ITGA9: variants seen among roughly 807,000 people sequenced by gnomAD.
The protein encoded by ITGA9 is integrin subunit alpha 9, also known as integrin alpha-9.
ITGA9 carries 56 observed loss-of-function variants against 127.8 expected under a neutral mutation model. That is an observed-to-expected ratio of 0.44 (90% CI 0.35 to 0.55). The LOEUF is 0.55. Ranked by LOEUF, ITGA9 falls within the 20% of genes least tolerant of loss-of-function variation. The pLI is 0.00. For missense variants in ITGA9, 1,196 were observed against 1,347.1 expected (o/e 0.89, Z 1.76); for synonymous variants, 508 against 514.5 (o/e 0.99, Z 0.17).
At chr3:37,493,624 T>C (rs1238967169) in intron 4 of ITGA9, among the ~76,000 whole-genome samples, 1 of 151,250 alleles carries the variant, frequency 6.6e-6, no homozygotes, top group Non-Finnish European at 1.5e-5. Flanking sequence ...AAGTCCAAGC[T>C]GAGGTAGAAT....
At chr3:37,691,222 A>G (rs2125667324) in intron 18 of ITGA9, among the ~76,000 whole-genome samples, 1 of 152,340 alleles carries the variant, frequency 6.6e-6, no homozygotes, top group South Asian at 2.1e-4. Flanking sequence ...AGAGAGGCCC[A>G]CAGGATTAGA....
At chr3:37,681,940 T>C (rs1044193870) in intron 17 of ITGA9, among the ~76,000 whole-genome samples, 12 of 152,152 alleles carry the variant, frequency 7.9e-5, no homozygotes, top group African/African-American at 2.9e-4. Context: ...CGCATGTTCC[T>C]ACCACCCATC....
chr3:37,556,508 G>A (rs1339899882), intron 15 of ITGA9, among the ~76,000 whole-genome samples: 2 of 152,210 alleles, frequency 1.3e-5, no homozygotes, highest in Non-Finnish European at 2.9e-5. Context: ...CTTTCTCTCT[G>A]GACCAGAGCA....
chr3:37,737,064 A>G, intron 20 of ITGA9, 81 bp downstream of exon 20: 1 of 938,760 alleles, frequency 1.1e-6, no homozygotes, highest in Middle Eastern at 2.1e-4. Flanking sequence ...TTAAGCTTTG[A>G]TGAATCCCAG....
rs1700388842 is a variant in ITGA9, at chr3:37,647,471, T to C, written c.1840-6243T>C. The stretch of plus-strand genomic sequence containing the variant: ...TAACATAGTTTTTTTTTTTTTTTGA[T>C]AGTAAGAGCACTTGGAATCTACTTT... On this transcript the variant is annotated intron_variant, in intron 16 of 27. Transcript: ENST00000264741. 2.0e-5 allele frequency among the ~76,000 whole-genome samples: 3 copies of C among 148,364 alleles called. No individual in the cohort carries two copies. The South Asian group carries it at 6.4e-4, about 32-fold the overall frequency.
intron 1 of ITGA9, among the ~76,000 whole-genome samples, chr3:37,466,891 G>T (rs1698379161): frequency 6.6e-6 from 1 of 152,200 alleles, no homozygotes; most frequent in East Asian, 1.9e-4. Flanking sequence ...TAGTCTTGTT[G>T]AGAGTACCAG....
At chr3:37,742,422 T>C (rs1380072911) in intron 21 of ITGA9, among the ~76,000 whole-genome samples, 1 of 152,208 alleles carries the variant, frequency 6.6e-6, no homozygotes, top group Non-Finnish European at 1.5e-5. Flanking sequence ...TCAGTGCCGC[T>C]GGCATTGTTG....
chr3:37,667,633 A>G (rs747906571), intron 17 of ITGA9, among the ~76,000 whole-genome samples: 5 of 152,298 alleles, frequency 3.3e-5, no homozygotes, highest in East Asian at 1.9e-4. Context: ...ATGCCCCTCA[A>G]TTGTCTTACA....
rs149070597 is a variant in ITGA9 at position 37,482,702 on chromosome 3, AG to A, written c.544+1098del. 9.0e-3 allele frequency among the ~76,000 whole-genome samples: 1,363 copies of A among 152,278 alleles called. 18 individuals are homozygous for A. The highest frequency in any genetic ancestry group is 0.031 in the African/African-American group (1,277 of 41,548). On this transcript the variant is annotated intron_variant, in intron 4 of 27. Transcript: ENST00000264741. Reference sequence around the variant, plus strand: ...TTCTGGGTACTGAGGTGACACAGGTAGGGTGCTCTGGGAAACGTCCCCCACA... The same window carrying A: ...TTCTGGGTACTGAGGTGACACAGGTAGGTGCTCTGGGAAACGTCCCCCACA...
At chr3:37,773,895 A>C (rs1384122528) in intron 23 of ITGA9, among the ~76,000 whole-genome samples, 5 of 152,270 alleles carry the variant, frequency 3.3e-5, no homozygotes, top group African/African-American at 1.2e-4. Flanking sequence ...TTAAAATTTT[A>C]TAAGAATGAT....
intron 14 of ITGA9, among the ~76,000 whole-genome samples, chr3:37,541,225 G>A (rs1360447222): frequency 6.6e-6 from 1 of 152,232 alleles, no homozygotes; most frequent in African/African-American, 2.4e-5. Context: ...TAAGAGGCAG[G>A]TGTGTGGAGA....
chr3:37,700,565 G>T (rs532187007), intron 18 of ITGA9, among the ~76,000 whole-genome samples: 1 of 152,060 alleles, frequency 6.6e-6, no homozygotes. Context: ...GCCCAGGCTG[G>T]TCTTGAACTC....
rs987867943 is a variant in ITGA9, at chr3:37,786,853, CTTTG to C, written c.2889+1784_2889+1787del. On this transcript the variant is annotated intron_variant, in intron 26 of 27. Coordinates refer to ENST00000264741, the MANE Select transcript of ITGA9 (RefSeq NM_002207.3). ...ACTATTTTTGTTTGTTTGTTTGTTT[CTTTG>C]TTTGTTTGAGACAGGGTCTTGCTTT... Among the ~76,000 whole-genome samples the C allele has an allele frequency of 1.1e-3, 161 of 152,236 alleles. 2 individuals are homozygous for C. Among genetic ancestry groups the C allele is most frequent in the African/African-American group, 2.3e-3 (94 of 41,550 alleles).
At chr3:37,564,396 C>T (rs539689757) in intron 15 of ITGA9, among the ~76,000 whole-genome samples, 28 of 152,240 alleles carry the variant, frequency 1.8e-4, no homozygotes, top group Non-Finnish European at 3.8e-4. Context: ...CTCTGGGGTC[C>T]TCACCATTTA....
At position 37,533,419 on chromosome 3, in the gene ITGA9, C is replaced by T. The variant is rs756658946; in HGVS notation, c.1479C>T (p.Asn493=). 1.8e-5 allele frequency: 29 copies of T among 1,614,220 alleles called. 1 individual carries two copies. The highest frequency in any genetic ancestry group is 1.3e-4 in the South Asian group (12 of 91,082). Residue 493 remains asparagine, a synonymous_variant, in exon 14 of 28, where the codon AAC becomes AAT. Transcript: ENST00000264741. ...GACAGCAGCCTGTGAACTGCCTGAA[C>T]GTCACCACCTGCTTCAGCTTCCATG... The part of the protein sequence containing the change: ...HDGQQPVNCL[N]VTTCFSFHGK...
chr3:37,581,188 G>A (rs1168255512), intron 15 of ITGA9, among the ~76,000 whole-genome samples: 1 of 152,188 alleles, frequency 6.6e-6, no homozygotes, highest in Non-Finnish European at 1.5e-5. Context: ...GAGCTGGAGT[G>A]GAAGCAGATA....
intron 15 of ITGA9, among the ~76,000 whole-genome samples, chr3:37,566,183 A>G (rs571085484): frequency 1.3e-5 from 2 of 152,250 alleles, no homozygotes; most frequent in African/African-American, 2.4e-5. Flanking sequence ...AATACATTCT[A>G]AGACCCCTAG....
chr3:37,527,828 C>T (rs140696439), intron 13 of ITGA9, among the ~76,000 whole-genome samples: 2,304 of 151,984 alleles, frequency 0.015, 30 homozygotes, highest in Non-Finnish European at 0.025. Context: ...CTCTGTCACC[C>T]GGGCTGGAGT....
chr3:37,531,014 G>C (rs550131682), intron 13 of ITGA9, among the ~76,000 whole-genome samples: 2 of 152,090 alleles, frequency 1.3e-5, no homozygotes, highest in South Asian at 4.2e-4. Context: ...GCCTCCCAAA[G>C]TGCTGGGATT....
Sources: allele counts gnomAD v4.1 joint callset (sites outside exome capture counted in the v4.1 genomes callset), GRCh38; gene constraint gnomAD v4.1.1; transcripts MANE v1.5; gene names NCBI Gene and HGNC (gene_info 2026-07-23, HGNC 2026-07-21).